NAT9: variants seen among roughly 807,000 people sequenced by gnomAD.
NAT9 encodes alpha/beta-tubulin-N-acetyltransferase 9.
NAT9 carries 18 observed loss-of-function variants against 24.0 expected under a neutral mutation model. The observed-to-expected ratio is 0.75, with a 90% confidence interval of 0.52 to 1.11. The LOEUF (loss-of-function observed/expected upper bound fraction) is 1.11, where lower values mean the gene tolerates loss of function less well. NAT9 is among the 50% of genes most tolerant of loss of function. NAT9 has a pLI of 0.00. For synonymous variants in NAT9, 104 were observed against 102.3 expected (o/e 1.02, Z -0.10); for missense variants, 254 against 258.6 (o/e 0.98, Z 0.12).
intron 1 of NAT9, 40 bp downstream of exon 1, chr17:74,776,227 C>G (rs2036052910): frequency 6.6e-6 from 1 of 152,614 alleles, no homozygotes; most frequent in Non-Finnish European, 1.5e-5. Flanking sequence ...CTTCGACCCT[C>G]CAACCACGCG....
intron 5 of NAT9, 54 bp from the exon 6 acceptor site, chr17:74,772,108 C>T: frequency 1.9e-6 from 3 of 1,613,866 alleles, no homozygotes; most frequent in Non-Finnish European, 2.5e-6. Context: ...CCCCACCCTC[C>T]TGTCCCAAGC....
chr17:74,772,345 C>T (rs1218534585), intron 4 of NAT9, 68 bp from the exon 5 acceptor site: 1 of 1,581,924 alleles, frequency 6.3e-7, no homozygotes, highest in Non-Finnish European at 8.6e-7. Flanking sequence ...TTGGCAGACA[C>T]CATCTCATTT....
intron 2 of NAT9, 105 bp downstream of exon 2, chr17:74,775,517 C>T (rs1410347101): frequency 4.0e-6 from 4 of 999,200 alleles, no homozygotes; most frequent in Middle Eastern, 4.5e-4. Flanking sequence ...ATAATTATTT[C>T]TCACAACCAA....
At chr17:74,775,048 C>T (rs556376983) in intron 2 of NAT9, among the ~76,000 whole-genome samples, 6 of 149,648 alleles carry the variant, frequency 4.0e-5, no homozygotes, top group South Asian at 2.1e-4. Context: ...GTAGAGATGG[C>T]GTTTTATCAT....
chr17:74,775,196 GT>G (rs541255042), intron 2 of NAT9, among the ~76,000 whole-genome samples: 1 of 139,834 alleles, frequency 7.2e-6, no homozygotes, highest in Non-Finnish European at 1.6e-5. Context: ...TGTTTTTTTT[GT>G]TTTTTTTTGA....
Position 74,775,572 on chromosome 17 carries a change from T to C in NAT9, c.77+50A>G, listed in dbSNP as rs375218845. 331 of 1,507,700 alleles carry C rather than the reference T, an allele frequency of 2.2e-4. 1 individual carries two copies. Among genetic ancestry groups the C allele is most frequent in the South Asian group, 1.8e-3 (155 of 88,374 alleles). The allele number at this position is 1,507,700 out of a possible 1,614,324, so 93.4% of individuals were successfully genotyped here. On this transcript the variant is annotated intron_variant, in intron 2 of 6. Coordinates refer to ENST00000357814, the MANE Select transcript of NAT9 (RefSeq NM_015654.5). Reference sequence around the variant, plus strand: ...TAGCCCTGAGACTGGGGCTGTACCTTACACAGCTCTGGGTGCTGATACGCA... The same window carrying C: ...TAGCCCTGAGACTGGGGCTGTACCTCACACAGCTCTGGGTGCTGATACGCA...
intron 3 of NAT9, chr17:74,773,343 G>A (rs747780682): frequency 3.2e-5 from 19 of 593,744 alleles, no homozygotes; most frequent in Non-Finnish European, 5.4e-5. Context: ...AGCCCCAAAT[G>A]CTCTACTTTC....
chr17:74,775,624 G>A lies in NAT9; in HGVS notation c.75C>T (p.Pro25=), dbSNP rs117947664. The A allele has an allele frequency of 5.6e-6, 9 of 1,613,648 alleles. No individual in the cohort carries two copies. Among genetic ancestry groups the A allele is most frequent in the Non-Finnish European group, 7.6e-6 (9 of 1,179,634 alleles). ...CCCATGTCAAGCGGGAAAGATACCT[G>A]GGCACATGCTCCGAGGTGTAGGGTA... is the stretch of plus-strand genomic sequence containing the variant. ...VLVPYTSEHV[P]SRYHEWMKSE... The change falls in exon 2 of 7, where the codon CCC becomes CCT. Residue 25 remains proline (P), a splice_region_variant and synonymous_variant. Transcript: ENST00000357814.
intron 1 of NAT9, 53 bp from the exon 2 acceptor site, chr17:74,775,760 T>C (rs1463031306): frequency 2.0e-6 from 3 of 1,510,900 alleles, no homozygotes; most frequent in Non-Finnish European, 2.8e-6. Flanking sequence ...TTCCTCCAAC[T>C]TTGGGTAGGC....
intron 2 of NAT9, 34 bp downstream of exon 2, chr17:74,775,588 C>CT: frequency 5.0e-6 from 8 of 1,586,024 alleles, no homozygotes; most frequent in Non-Finnish European, 6.9e-6. Context: ...GCTCTGGGTG[C>CT]TGATACGCAC....
In NAT9 at chr17:74,770,870, G is replaced by C. The variant is rs1019285656; in HGVS notation, c.*854C>G. On this transcript the variant is annotated 3_prime_UTR_variant, in exon 7 of 7. Transcript: ENST00000357814. ...TAAGCCATAGGGTGCCAGGTAGCCCGGCCACCCTGAGCCTGTGCCTCCACT... is the reference window on the plus strand; with the variant it reads ...TAAGCCATAGGGTGCCAGGTAGCCCCGCCACCCTGAGCCTGTGCCTCCACT... 1 of 152,178 alleles carries C rather than the reference G, an allele frequency of 6.6e-6. No homozygotes were observed. Among genetic ancestry groups the C allele is most frequent in the African/African-American group, 2.4e-5 (1 of 41,432 alleles). 9.4% of individuals were successfully genotyped at this position (152,178 alleles called of 1,614,324 possible). A position where few individuals can be genotyped will look rare whatever the true frequency, so the allele number is the denominator to read the frequency against.
rs76207202 is a variant in NAT9, at chr17:74,770,587, G to A, written c.*1137C>T. ...TTGTTTTATACTGAGGCATGTTTTC[G>A]GTTCCAGTTGTTCACATGCAGTCTG... On this transcript the variant is annotated 3_prime_UTR_variant, in exon 7 of 7. Transcript: ENST00000357814. The A allele has an allele frequency of 2.2e-4, 33 of 152,322 alleles. 1 individual carries two copies. In the East Asian group the frequency reaches 5.8e-3, roughly 27 times the overall value. The allele number at this position is 152,322 out of a possible 1,614,324, so 9.4% of individuals were successfully genotyped here. A position where few individuals can be genotyped will look rare whatever the true frequency, so the allele number is the denominator to read the frequency against.
chr17:74,771,988 C>T lies in NAT9; in HGVS notation c.461G>A (p.Arg154Gln), dbSNP rs976855064. Residue 154 changes from arginine (R) to glutamine (Q), a missense_variant, in exon 6 of 7, where the codon CGG (arginine) becomes CAG (glutamine). Arg to Gln is a conservative substitution (Grantham distance 43). Transcript: ENST00000357814. The part of the protein sequence containing the change: ...KIGQGNEPSI[R>Q]MFQKLHFEQV... ...CTCAAAGTGAAGTTTCTGGAACATC[C>T]GGATGCTTGGTTCATTTCCTTGCCC... The T allele has an allele frequency of 5.0e-6, 8 of 1,614,112 alleles. No homozygotes were observed. The highest frequency in any genetic ancestry group is 2.2e-5 in the East Asian group (1 of 44,904).
intron 6 of NAT9, 24 bp downstream of exon 6, chr17:74,771,936 C>A (rs1245734375): frequency 6.2e-7 from 1 of 1,614,200 alleles, no homozygotes; most frequent in South Asian, 1.1e-5. Flanking sequence ...GTCTAAGCCC[C>A]ACTCTGCCCC....
chr17:74,771,648 T>G lies in NAT9; in HGVS notation c.*76A>C. ...GCCTGGGCCAGGAGCACTCTCCCAG[T>G]GCAGGGCTCTGGTCTTTGAAGTGTA... On this transcript the variant is annotated 3_prime_UTR_variant, in exon 7 of 7. Transcript: ENST00000357814. 6.3e-7 allele frequency: 1 copy of G among 1,584,656 alleles called. No homozygotes were observed.
chr17:74,771,501 T>C lies in NAT9; in HGVS notation c.*223A>G. 1.5e-6 allele frequency: 1 copy of C among 662,320 alleles called. No individual in the cohort carries two copies. Among genetic ancestry groups the C allele is most frequent in the South Asian group, 2.0e-5 (1 of 49,916 alleles). 41.0% of individuals were successfully genotyped at this position (662,320 alleles called of 1,614,324 possible). A position where few individuals can be genotyped will look rare whatever the true frequency, so the allele number is the denominator to read the frequency against. ...AGCTTCCTAGAGTCTGGGTCTGGGT[T>C]TGGCCGGGAGGGGAGAAGGGAACTG... On this transcript the variant is annotated 3_prime_UTR_variant, in exon 7 of 7. Coordinates refer to ENST00000357814, the MANE Select transcript of NAT9 (RefSeq NM_015654.5).
chr17:74,772,170 C>T (rs1417995326), intron 5 of NAT9, 48 bp downstream of exon 5: 1 of 1,614,142 alleles, frequency 6.2e-7, no homozygotes, highest in Non-Finnish European at 8.5e-7. Context: ...GAACAAAGTT[C>T]ACCTGGGGCC....
In NAT9 at chr17:74,771,491, G is replaced by T; in HGVS notation, c.*233C>A. The stretch of plus-strand genomic sequence containing the variant: ...CCTCCATTCCAGCTTCCTAGAGTCT[G>T]GGTCTGGGTTTGGCCGGGAGGGGAG... On this transcript the variant is annotated 3_prime_UTR_variant, in exon 7 of 7. Transcript: ENST00000357814. 1 of 621,892 alleles carries T rather than the reference G, an allele frequency of 1.6e-6. No individual in the cohort carries two copies. Among genetic ancestry groups the T allele is most frequent in the Non-Finnish European group, 2.8e-6 (1 of 363,132 alleles). 38.5% of individuals were successfully genotyped at this position (621,892 alleles called of 1,614,324 possible).
rs1040759656 is a variant in NAT9 at position 74,771,376 on chromosome 17, G to C, written c.*348C>G. On this transcript the variant is annotated 3_prime_UTR_variant, in exon 7 of 7. Transcript: ENST00000357814. The stretch of plus-strand genomic sequence containing the variant: ...CAGGGCAGCACCTCTGGCCTCTAAG[G>C]AGAAAGGCCTGTCCACTCCCATCCA... 1 of 339,274 alleles carries C rather than the reference G, an allele frequency of 2.9e-6. No individual in the cohort carries two copies. Among genetic ancestry groups the C allele is most frequent in the Non-Finnish European group, 5.6e-6 (1 of 177,878 alleles). 21.0% of individuals were successfully genotyped at this position (339,274 alleles called of 1,614,324 possible).
Sources: allele counts gnomAD v4.1 joint callset (sites outside exome capture counted in the v4.1 genomes callset), GRCh38; gene constraint gnomAD v4.1.1; transcripts MANE v1.5; gene names NCBI Gene and HGNC (gene_info 2026-07-23, HGNC 2026-07-21).